VPS13B: variants seen among roughly 807,000 people sequenced by gnomAD.
VPS13B encodes the protein intermembrane lipid transfer protein VPS13B.
In VPS13B, 285 loss-of-function variants were observed where a neutral mutation model predicts 426.4. That is an observed-to-expected ratio of 0.67 (90% CI 0.61 to 0.74). The LOEUF is 0.74. Ranked by LOEUF, VPS13B falls within the 30% of genes least tolerant of loss-of-function variation. VPS13B has a pLI of 0.00. For synonymous variants in VPS13B, 1,676 were observed against 1,676.4 expected, an observed-to-expected ratio of 1.00 and a Z score of 0.01; for missense variants, 4,537 against 4,782.6, an observed-to-expected ratio of 0.95 and a Z score of 1.51.
At chr8:99,315,528 C>G (rs1450329361) in intron 19 of VPS13B, among the ~76,000 whole-genome samples, 1 of 149,476 alleles carries the variant, frequency 6.7e-6, no homozygotes, top group Non-Finnish European at 1.5e-5. Context: ...TCATTCAAAT[C>G]TTGGTGTTTT....
At chr8:99,104,335 A>G (rs978326974) in intron 5 of VPS13B, among the ~76,000 whole-genome samples, 10 of 152,208 alleles carry the variant, frequency 6.6e-5, no homozygotes, top group African/African-American at 1.9e-4. Flanking sequence ...AGGTATTGTT[A>G]TGCAGTGCAT....
At chr8:99,532,050 C>CT (rs1414508735) in intron 30 of VPS13B, among the ~76,000 whole-genome samples, 2 of 151,746 alleles carry the variant, frequency 1.3e-5, no homozygotes, top group African/African-American at 4.8e-5. Context: ...TTTTTTTTAA[C>CT]TTTCATCTTT....
intron 23 of VPS13B, among the ~76,000 whole-genome samples, chr8:99,455,697 C>T (rs1386612383): frequency 6.6e-6 from 1 of 152,128 alleles, no homozygotes. Flanking sequence ...CTTTTCTGGA[C>T]ATTTTAATAC....
At position 99,442,516 on chromosome 8, in the gene VPS13B, G is replaced by A. The variant is rs1474402474; in HGVS notation, c.3326G>A (p.Ser1109Asn). Residue 1109 changes from serine to asparagine, a missense_variant, in exon 23 of 62, where the codon AGC becomes AAC. Ser to Asn is a conservative substitution (Grantham distance 46, BLOSUM62 1). Transcript: ENST00000357162. ...TVRSWYHGQT[S>N]MPGTLVLCLP... ...AGAAGTTGGTACCATGGACAAACCA[G>A]CATGCCGGGAACACTTGTCCTCTGT... 2 of 1,613,942 alleles carry A rather than the reference G, an allele frequency of 1.2e-6. No individual in the cohort carries two copies. The highest frequency in any genetic ancestry group is 1.7e-6 in the Non-Finnish European group (2 of 1,179,906).
At chr8:99,231,344 A>T (rs1310027038) in intron 17 of VPS13B, among the ~76,000 whole-genome samples, 1 of 151,928 alleles carries the variant, frequency 6.6e-6, no homozygotes, top group Non-Finnish European at 1.5e-5. Context: ...CACTGTTTGC[A>T]GTAGAGGAAA....
chr8:99,637,043 T>C (rs1055129028), intron 33 of VPS13B, among the ~76,000 whole-genome samples: 2 of 152,068 alleles, frequency 1.3e-5, no homozygotes, highest in African/African-American at 4.8e-5. Context: ...ATGTTTCTGC[T>C]GCACCAACAG....
intron 21 of VPS13B, among the ~76,000 whole-genome samples, chr8:99,402,278 C>A (rs1025531920): frequency 3.3e-5 from 5 of 152,148 alleles, no homozygotes; most frequent in Admixed American, 1.3e-4. Context: ...CCCCCAGACT[C>A]CAGAAAGGTG....
At chr8:99,100,915 G>T (rs184307694) in intron 4 of VPS13B, among the ~76,000 whole-genome samples, 3 of 151,758 alleles carry the variant, frequency 2.0e-5, no homozygotes, top group African/African-American at 4.8e-5. Context: ...GTGGTGGCAC[G>T]TGCCTGTAAT....
At chr8:99,818,968 G>T in intron 47 of VPS13B, 80 bp downstream of exon 47, 1 of 1,027,206 alleles carries the variant, frequency 9.7e-7, no homozygotes, top group Non-Finnish European at 1.5e-6. Context: ...CTGGGGGGCG[G>T]CGGGGGAGGG....
At chr8:99,835,773 GA>G in intron 54 of VPS13B, 35 bp downstream of exon 54, 1 of 1,609,398 alleles carries the variant, frequency 6.2e-7, no homozygotes, top group Middle Eastern at 1.7e-4. Context: ...AAGACCCAAA[GA>G]AAAATGCCCT....
chr8:99,124,379 C>T (rs999209453), intron 8 of VPS13B, among the ~76,000 whole-genome samples: 7 of 152,114 alleles, frequency 4.6e-5, no homozygotes, highest in African/African-American at 1.4e-4. Flanking sequence ...AAAAATTAAA[C>T]GTAGAATTAC....
At chr8:99,228,618 T>C (rs531154467) in intron 17 of VPS13B, among the ~76,000 whole-genome samples, 101 of 85,344 alleles carry the variant, frequency 1.2e-3, no homozygotes, top group Non-Finnish European at 2.2e-3. Flanking sequence ...GTAATCCATA[T>C]AGTTTTAAAG....
At position 99,818,707 on chromosome 8, in the gene VPS13B, T is replaced by G. The variant is rs1814192328; in HGVS notation, c.8446-6T>G. ...TGAAAGTTGTTCTATCCTTTTATTTTTATAGATTGTGTTCAGCCCTCTTTT... is the reference window on the plus strand; with the variant it reads ...TGAAAGTTGTTCTATCCTTTTATTTGTATAGATTGTGTTCAGCCCTCTTTT... On this transcript the variant is annotated splice_region_variant and splice_polypyrimidine_tract_variant and intron_variant, in intron 46 of 61. Transcript: ENST00000357162. 1 of 1,613,568 alleles carries G rather than the reference T, an allele frequency of 6.2e-7. No individual in the cohort carries two copies. Among genetic ancestry groups the G allele is most frequent in the African/African-American group, 1.3e-5 (1 of 74,922 alleles).
In VPS13B at chr8:99,720,885, C is replaced by T. The variant is rs1563881584; in HGVS notation, c.6888C>T (p.Val2296=). 1 of 1,613,656 alleles carries T rather than the reference C, an allele frequency of 6.2e-7. No individual in the cohort carries two copies. The change falls in exon 39 of 62, where the codon GTC becomes GTT. Residue 2296 remains valine (V), a synonymous_variant. Coordinates refer to ENST00000357162, the MANE Select transcript of VPS13B (RefSeq NM_152564.5). ...CAGAATCTTTGAAATTGCCTGGGGT[C>T]TATGAAGTCTTATTTTATAATGAAA... The part of the protein sequence containing the change: ...QDAESLKLPG[V]YEVLFYNETE...
At chr8:99,711,890 T>C (rs1040793953) in intron 36 of VPS13B, among the ~76,000 whole-genome samples, 1 of 152,154 alleles carries the variant, frequency 6.6e-6, no homozygotes, top group African/African-American at 2.4e-5. Flanking sequence ...TACATAAATA[T>C]CAAATTGAAG....
chr8:99,774,662 A>G (rs1339525844), intron 40 of VPS13B, among the ~76,000 whole-genome samples: 1 of 152,198 alleles, frequency 6.6e-6, no homozygotes, highest in Non-Finnish European at 1.5e-5. Flanking sequence ...ATTGTGCCCT[A>G]TTTCTAAAAA....
intron 3 of VPS13B, among the ~76,000 whole-genome samples, chr8:99,055,488 C>G (rs924603555): frequency 6.6e-6 from 1 of 152,194 alleles, no homozygotes; most frequent in African/African-American, 2.4e-5. Context: ...GTATTAGCAT[C>G]TTAACGATGT....
intron 33 of VPS13B, among the ~76,000 whole-genome samples, chr8:99,618,619 C>A (rs2133888196): frequency 6.6e-6 from 1 of 152,316 alleles, no homozygotes; most frequent in Admixed American, 6.5e-5. Flanking sequence ...TGTCCGTGAG[C>A]AACCTCAGAA....
At chr8:99,587,365 A>G (rs1826359362) in intron 33 of VPS13B, among the ~76,000 whole-genome samples, 1 of 151,822 alleles carries the variant, frequency 6.6e-6, no homozygotes, top group East Asian at 1.9e-4. Context: ...GTCAAATGGT[A>G]TTTCTAGTTC....
Sources: gnomAD v4.1 joint callset for allele counts (sites outside exome capture counted in the v4.1 genomes callset) on GRCh38, gnomAD v4.1.1 for gene constraint, MANE v1.5 for transcripts, NCBI Gene and HGNC (gene_info 2026-07-23, HGNC 2026-07-21) for gene names.